Variants in CCDC7 observed in about 807,000 individuals in gnomAD.
The protein encoded by CCDC7 is coiled-coil domain-containing protein 7.
In CCDC7, 183 loss-of-function variants were observed where a neutral mutation model predicts 196.9. The ratio of observed to expected loss-of-function variants is 0.93; its 90% CI spans 0.82 to 1.05. CCDC7 has a LOEUF of 1.05. CCDC7 is among the 50% of genes least tolerant of loss of function. CCDC7 has a pLI of 0.00. For synonymous variants in CCDC7, 525 were observed against 484.6 expected (o/e 1.08, Z -1.10); for missense variants, 1,540 against 1,482.2 (o/e 1.04, Z -0.64).
intron 28 of CCDC7, among the ~76,000 whole-genome samples, chr10:32,765,563 C>T (rs938025245): frequency 1.3e-5 from 2 of 152,058 alleles, no homozygotes; most frequent in East Asian, 1.9e-4. Context: ...TTAGAAGCTA[C>T]TAGAACTGAT....
rs925730530 is a variant in CCDC7 at position 32,482,033 on chromosome 10, A to G, written c.796+8010A>G. Among the ~76,000 whole-genome samples, 8 of 151,826 alleles carry G rather than the reference A, an allele frequency of 5.3e-5. No individual in the cohort carries two copies. In the East Asian group the frequency reaches 1.5e-3, roughly 29 times the overall value. ...GAGACGTTTTATCTTTCTGATGTTTATATCTTTCCCTATATTTGGGACATT... is the reference window on the plus strand; with the variant it reads ...GAGACGTTTTATCTTTCTGATGTTTGTATCTTTCCCTATATTTGGGACATT... On this transcript the variant is annotated intron_variant, in intron 8 of 41. Transcript: ENST00000639629.
At chr10:32,848,864 G>A (rs1057279205) in intron 39 of CCDC7, 146 bp downstream of exon 40, 1 of 681,828 alleles carries the variant, frequency 1.5e-6, no homozygotes, top group Admixed American at 3.2e-5. Flanking sequence ...AAATAAAATG[G>A]TTTTAATTCA....
At chr10:32,667,186 C>G (rs2072970494) in intron 21 of CCDC7, among the ~76,000 whole-genome samples, 1 of 152,186 alleles carries the variant, frequency 6.6e-6, no homozygotes, top group Non-Finnish European at 1.5e-5. Context: ...AGTGTCTGTT[C>G]ATATCCTTTG....
chr10:32,556,996 C>T (rs1425351802), intron 13 of CCDC7, among the ~76,000 whole-genome samples: 1 of 152,168 alleles, frequency 6.6e-6, no homozygotes, highest in African/African-American at 2.4e-5. Context: ...GTTGAAATCG[C>T]TTGTGCAGTT....
chr10:32,609,133 G>A (rs947132875), intron 18 of CCDC7, among the ~76,000 whole-genome samples: 5 of 152,122 alleles, frequency 3.3e-5, no homozygotes, highest in African/African-American at 9.7e-5. Context: ...GTCCACTTAA[G>A]TCTACATTAC....
At chr10:32,573,626 G>A (rs1020682429) in intron 16 of CCDC7, among the ~76,000 whole-genome samples, 1 of 152,130 alleles carries the variant, frequency 6.6e-6, no homozygotes, top group Non-Finnish European at 1.5e-5. Context: ...TGGAAGAAGG[G>A]TTCAATGGAG....
chr10:32,516,386 C>T (rs1358840429), intron 9 of CCDC7, among the ~76,000 whole-genome samples: 1 of 151,908 alleles, frequency 6.6e-6, no homozygotes, highest in Non-Finnish European at 1.5e-5. Context: ...CTCCTGGGTT[C>T]AAGCAATTCT....
intron 41 of CCDC7, among the ~76,000 whole-genome samples, chr10:32,866,635 G>A (rs1323907808): frequency 6.6e-6 from 1 of 151,440 alleles, no homozygotes; most frequent in South Asian, 2.1e-4. Context: ...TGGTGGTGAG[G>A]AAAGGAGAGA....
intron 9 of CCDC7, among the ~76,000 whole-genome samples, chr10:32,495,643 T>A (rs1334884405): frequency 6.6e-6 from 1 of 152,230 alleles, no homozygotes; most frequent in African/African-American, 2.4e-5. Context: ...ATTTATTAAA[T>A]AGGAAATCCT....
intron 13 of CCDC7, among the ~76,000 whole-genome samples, chr10:32,547,739 T>C (rs2052711887): frequency 6.6e-6 from 1 of 152,228 alleles, no homozygotes; most frequent in East Asian, 1.9e-4. Context: ...CATTTCTTTG[T>C]GTTATAGATA....
chr10:32,825,006 GT>G (rs1490251090), intron 32 of CCDC7, among the ~76,000 whole-genome samples: 1 of 152,146 alleles, frequency 6.6e-6, no homozygotes, highest in African/African-American at 2.4e-5. Context: ...ATATCGTTAT[GT>G]TATCAGGCAA....
At chr10:32,839,599 G>T (rs767389908) in intron 33 of CCDC7, among the ~76,000 whole-genome samples, 1 of 151,826 alleles carries the variant, frequency 6.6e-6, no homozygotes, top group Non-Finnish European at 1.5e-5. Context: ...AATCATCAAG[G>T]CAGAAAGTCA....
chr10:32,676,531 C>A lies in CCDC7; in HGVS notation c.2123-9439C>A, dbSNP rs2075007779. 2.0e-5 allele frequency among the ~76,000 whole-genome samples: 3 copies of A among 151,974 alleles called. No individual in the cohort carries two copies. In the South Asian group the frequency reaches 6.2e-4, roughly 32 times the overall value. ...CTCAAACAAATTTACAAGAAAAAAACAAACAACCCCATCAAAATGTGGGCG... is the reference window on the plus strand; with the variant it reads ...CTCAAACAAATTTACAAGAAAAAAAAAAACAACCCCATCAAAATGTGGGCG... On this transcript the variant is annotated intron_variant, in intron 21 of 41. Coordinates refer to ENST00000639629, the Ensembl canonical transcript of CCDC7.
chr10:32,845,473 C>T, intron 34 of CCDC7, 70 bp from the exon 36 acceptor site: 1 of 1,364,888 alleles, frequency 7.3e-7, no homozygotes, highest in Non-Finnish European at 1.0e-6. Context: ...TATAATTAAA[C>T]ACAAAAACAC....
intron 20 of CCDC7, among the ~76,000 whole-genome samples, chr10:32,636,135 T>C (rs1428974803): frequency 6.6e-6 from 1 of 152,232 alleles, no homozygotes; most frequent in Non-Finnish European, 1.5e-5. Context: ...GCTTATATCA[T>C]GTGAAGTGAG....
At chr10:32,559,111 G>T (rs1250255620) in intron 13 of CCDC7, among the ~76,000 whole-genome samples, 1 of 152,250 alleles carries the variant, frequency 6.6e-6, no homozygotes, top group Non-Finnish European at 1.5e-5. Context: ...AGCGAGGCTG[G>T]GGGAGGGGCG....
At chr10:32,498,653 G>A (rs900247853) in intron 9 of CCDC7, among the ~76,000 whole-genome samples, 9 of 152,054 alleles carry the variant, frequency 5.9e-5, no homozygotes, top group Non-Finnish European at 8.8e-5. Flanking sequence ...GCTTAGTTTG[G>A]CTGGATATGA....
At chr10:32,783,562 T>A (rs1349584588) in intron 29 of CCDC7, among the ~76,000 whole-genome samples, 1 of 152,228 alleles carries the variant, frequency 6.6e-6, no homozygotes, top group Non-Finnish European at 1.5e-5. Context: ...TTCATGGGAA[T>A]GTAAAACTGT....
chr10:32,841,299 A>C (rs191342079), intron 33 of CCDC7, among the ~76,000 whole-genome samples: 10 of 152,236 alleles, frequency 6.6e-5, no homozygotes, highest in Non-Finnish European at 1.2e-4. Context: ...AATTCAGCAA[A>C]GTTTCAGGAT....
Sources: allele counts gnomAD v4.1 joint callset (sites outside exome capture counted in the v4.1 genomes callset), GRCh38; gene constraint gnomAD v4.1.1; transcripts MANE v1.5; gene names NCBI Gene and HGNC (gene_info 2026-07-23, HGNC 2026-07-21).